The following AKNA variants were observed in gnomAD, a reference collection of about 807,000 sequenced individuals.
AKNA encodes the protein AT-hook transcription factor.
In AKNA, 67 loss-of-function variants were observed where a neutral mutation model predicts 138.8. The observed-to-expected ratio is 0.48, with a 90% CI of 0.40 to 0.59. AKNA has a LOEUF of 0.59. AKNA is among the 20% of genes least tolerant of loss of function. The pLI is 0.00. For synonymous variants in AKNA, 737 were observed against 754.4 expected, an observed-to-expected ratio of 0.98 and a Z score of 0.38; for missense variants, 1,813 against 1,880.4, an observed-to-expected ratio of 0.96 and a Z score of 0.66.
At chr9:114,365,968 T>C (rs550905289) in intron 6 of AKNA, among the ~76,000 whole-genome samples, 1 of 152,222 alleles carries the variant, frequency 6.6e-6, no homozygotes, top group South Asian at 2.1e-4. Context: ...GAAGAAGAAA[T>C]GTGTCTCCGG....
At chr9:114,381,826 A>G (rs994220696) in intron 1 of AKNA, among the ~76,000 whole-genome samples, 1 of 151,788 alleles carries the variant, frequency 6.6e-6, no homozygotes, top group African/African-American at 2.4e-5. Context: ...ACACCCGGCT[A>G]ATTTTTGTAT....
rs867340764 is a variant in AKNA, at chr9:114,337,280, G to A, written c.4094C>T (p.Ser1365Leu). Reference sequence around the variant, plus strand: ...CGGCCACTTGGCAGCTGGTTGGGCTGAGGTAGGTCCTGCAGGCGCATAGTA... The same window carrying A: ...CGGCCACTTGGCAGCTGGTTGGGCTAAGGTAGGTCCTGCAGGCGCATAGTA... Reference protein sequence around the residue: ...AVYYAPAGPTSAQPAAKWPPT... With the variant: ...AVYYAPAGPTLAQPAAKWPPT... The change falls in exon 22 of 22, where the codon TCA (serine) becomes TTA (leucine). Residue 1365 changes from serine to leucine, a missense_variant. Coordinates refer to ENST00000374088, the MANE Select transcript of AKNA (RefSeq NM_001317950.2). The A allele has an allele frequency of 5.2e-6, 8 of 1,532,824 alleles. No individual in the cohort carries two copies. The African/African-American group carries it at 1.1e-4, about 21-fold the overall frequency. The allele number at this position is 1,532,824 out of a possible 1,614,324, so 95.0% of individuals were successfully genotyped here. A position where few individuals can be genotyped will look rare whatever the true frequency, so the allele number is the denominator to read the frequency against.
downstream of AKNA, chr9:114,330,773 G>A (rs143227432): frequency 8.3e-5 from 134 of 1,612,724 alleles, no homozygotes; most frequent in East Asian, 2.3e-3. Context: ...TTTTTCTTCC[G>A]CCTTCTGGTT....
chr9:114,379,332 C>G (rs1466798082), intron 2 of AKNA, among the ~76,000 whole-genome samples: 1 of 152,276 alleles, frequency 6.6e-6, no homozygotes, highest in Non-Finnish European at 1.5e-5. Flanking sequence ...GGGCCAGACC[C>G]TGCCCAGCCC....
intron 18 of AKNA, 102 bp from the exon 19 acceptor site, chr9:114,343,905 A>G (rs1442129220): frequency 1.8e-6 from 2 of 1,093,792 alleles, no homozygotes; most frequent in South Asian, 1.5e-5. Flanking sequence ...AATGGTTTTA[A>G]TAGTCTCTGT....
At chr9:114,341,419 G>T in intron 21 of AKNA, 114 bp downstream of exon 21, 1 of 1,312,006 alleles carries the variant, frequency 7.6e-7, no homozygotes, top group East Asian at 2.5e-5. Flanking sequence ...ATCCACGCAG[G>T]GATAAAACAC....
At chr9:114,364,702 AAG>A in intron 6 of AKNA, 83 bp from the exon 7 acceptor site, 2 of 1,439,914 alleles carry the variant, frequency 1.4e-6, no homozygotes, top group South Asian at 2.3e-5. Context: ...ATGCCTTGGT[AAG>A]AGGAGCTGGG....
chr9:114,341,962 G>A, intron 20 of AKNA, 47 bp downstream of exon 20: 1 of 1,549,696 alleles, frequency 6.5e-7, no homozygotes, highest in Non-Finnish European at 8.9e-7. Flanking sequence ...CCCTGGTCAA[G>A]GAGAGCTGAG....
chr9:114,346,083 T>A, intron 17 of AKNA, 74 bp from the exon 18 acceptor site: 1 of 1,485,602 alleles, frequency 6.7e-7, no homozygotes, highest in East Asian at 2.3e-5. Context: ...GGGTATGCCA[T>A]GAGTTTAGGC....
rs1192673341 is a variant in AKNA at position 114,360,040 on chromosome 9, G to A, written c.2147C>T (p.Ala716Val). ...GTGCAATGGGCAGGGGCCAGTGCTG[G>A]CGGCGGCAGTGGTGGTAGCAGGCTG... ...CPEPATTTAA[A>V]STGPCPLHVN... The change falls in exon 10 of 22, where the codon GCC becomes GTC. Residue 716 changes from alanine (A) to valine (V), a missense_variant. Ala to Val is a moderately conservative substitution (Grantham distance 64). Coordinates refer to ENST00000374088, the MANE Select transcript of AKNA (RefSeq NM_001317950.2). 6.2e-7 allele frequency: 1 copy of A among 1,614,230 alleles called. No individual in the cohort carries two copies. The highest frequency in any genetic ancestry group is 1.7e-5 in the Admixed American group (1 of 60,034).
intron 4 of AKNA, among the ~76,000 whole-genome samples, chr9:114,369,684 C>A (rs1301504920): frequency 6.6e-6 from 1 of 150,762 alleles, no homozygotes; most frequent in Non-Finnish European, 1.5e-5. Flanking sequence ...CCATCAGCAT[C>A]ACCATCAGCA....
At chr9:114,341,839 G>T in intron 20 of AKNA, 114 bp from the exon 21 acceptor site, 1 of 1,348,786 alleles carries the variant, frequency 7.4e-7, no homozygotes. Flanking sequence ...GCCCTACCCT[G>T]TGAGACTCCA....
At position 114,381,045 on chromosome 9, in the gene AKNA, G is replaced by A; in HGVS notation, c.274+15C>T. 1 of 1,517,820 alleles carries A rather than the reference G, an allele frequency of 6.6e-7. No individual in the cohort carries two copies. Among genetic ancestry groups the A allele is most frequent in the South Asian group, 1.3e-5 (1 of 76,674 alleles). 94.0% of individuals were successfully genotyped at this position (1,517,820 alleles called of 1,614,324 possible). On this transcript the variant is annotated intron_variant, in intron 2 of 21. Coordinates refer to ENST00000374088, the MANE Select transcript of AKNA (RefSeq NM_001317950.2). ...GGACAGGACACCACTGTAGGGGGAGGGGTGTCAGTCTCACCTTCTCCCGAA... is the reference window on the plus strand; with the variant it reads ...GGACAGGACACCACTGTAGGGGGAGAGGTGTCAGTCTCACCTTCTCCCGAA...
In AKNA at chr9:114,357,961, G is replaced by A. The variant is rs768382540; in HGVS notation, c.2699C>T (p.Pro900Leu). The A allele has an allele frequency of 1.9e-6, 3 of 1,602,506 alleles. No individual in the cohort carries two copies. In the South Asian group the frequency reaches 3.3e-5, roughly 18 times the overall value. Residue 900 changes from proline (P) to leucine (L), a missense_variant, in exon 12 of 22, where the codon CCA becomes CTA. Transcript: ENST00000374088. ...ACCGCCTCGGTGCAAAGGCTTCTGTGGAAGGCGCTCAGAGATGCCGCTTCC... is the reference window on the plus strand; with the variant it reads ...ACCGCCTCGGTGCAAAGGCTTCTGTAGAAGGCGCTCAGAGATGCCGCTTCC... ...LEGSGISERL[P>L]QKPLHRGGGP...
In AKNA at chr9:114,346,709, C is replaced by G. The variant is rs1830712929; in HGVS notation, c.3474G>C (p.Arg1158Ser). 6.2e-7 allele frequency: 1 copy of G among 1,612,900 alleles called. No homozygotes were observed. Among genetic ancestry groups the G allele is most frequent in the Non-Finnish European group, 8.5e-7 (1 of 1,179,480 alleles). Residue 1158 changes from arginine (R) to serine (S), a missense_variant, in exon 17 of 22, where the codon AGG (arginine) becomes AGC (serine). Transcript: ENST00000374088. ...GCACCTCCCGAGGCACTGAGGAAGA[C>G]CTGGCTCGCTGCCTTCCTGGAGGGA... The part of the protein sequence containing the change: ...QIVPPGRQRA[R>S]SSSVPREVLR...
chr9:114,330,779 T>G (rs1829838010), downstream of AKNA: 1 of 1,613,372 alleles, frequency 6.2e-7, no homozygotes. Context: ...TTCCGCCTTC[T>G]GGTTGACTTT....
At chr9:114,354,931 C>T (rs1256025109) in intron 14 of AKNA, among the ~76,000 whole-genome samples, 3 of 143,542 alleles carry the variant, frequency 2.1e-5, no homozygotes, top group Admixed American at 1.4e-4. Context: ...TGCAGTGGTG[C>T]GATCTTGGCT....
At chr9:114,353,120 TC>T (rs1831248176) in intron 14 of AKNA, among the ~76,000 whole-genome samples, 1 of 152,182 alleles carries the variant, frequency 6.6e-6, no homozygotes, top group Non-Finnish European at 1.5e-5. Context: ...GTTTTTAATT[TC>T]AATAAATAAT....
rs747052054 is a variant in AKNA, at chr9:114,377,883, TG to T, written c.275-352del. Among the ~76,000 whole-genome samples the T allele has an allele frequency of 3.3e-4, 50 of 152,346 alleles. 1 individual carries two copies. The highest frequency in any genetic ancestry group is 6.8e-3 in the Middle Eastern group (2 of 294). Reference sequence around the variant, plus strand: ...CTGAATCCATTCTGTCACTTGGTCCTGTCCAATGGGACCTCCTATAAAGATC... The same window carrying T: ...CTGAATCCATTCTGTCACTTGGTCCTTCCAATGGGACCTCCTATAAAGATC... On this transcript the variant is annotated intron_variant, in intron 2 of 21. Coordinates refer to ENST00000374088, the MANE Select transcript of AKNA (RefSeq NM_001317950.2).
Sources: allele counts gnomAD v4.1 joint callset (sites outside exome capture counted in the v4.1 genomes callset), GRCh38; gene constraint gnomAD v4.1.1; transcripts MANE v1.5; gene names NCBI Gene and HGNC (gene_info 2026-07-23, HGNC 2026-07-21).